FGF12: variants seen among roughly 807,000 people sequenced by gnomAD.
FGF12 encodes the protein fibroblast growth factor 12.
A neutral mutation model predicts 23.6 loss-of-function variants in FGF12; 14 were observed. The ratio of observed to expected loss-of-function variants is 0.59; its 90% CI spans 0.39 to 0.93. The LOEUF (loss-of-function observed/expected upper bound fraction) is 0.93. Among genes scored for constraint, FGF12 ranks in the 40% least tolerant of loss-of-function variants. The probability of loss-of-function intolerance (pLI) is 0.00; values close to 1 mark genes in which losing one functional copy is unlikely to be tolerated. For synonymous variants in FGF12, 62 were observed against 77.3 expected (o/e 0.80, Z 1.04); for missense variants, 175 against 217.8 (o/e 0.80, Z 1.24).
intron 2 of FGF12, among the ~76,000 whole-genome samples, chr3:192,665,129 G>A (rs1035971341): frequency 3.3e-5 from 5 of 152,104 alleles, no homozygotes; most frequent in African/African-American, 1.2e-4. Context: ...TGAAATACAG[G>A]TAGTTACAAA....
intron 2 of FGF12, among the ~76,000 whole-genome samples, chr3:192,530,779 C>T (rs1725067059): frequency 6.6e-6 from 1 of 151,918 alleles, no homozygotes; most frequent in African/African-American, 2.4e-5. Context: ...CTGAACTGTA[C>T]ACATTAAAAG....
rs188679113 is a variant in FGF12 at position 192,199,809 on chromosome 3, G to A, written c.229-29153C>T. 1.1e-4 allele frequency among the ~76,000 whole-genome samples: 17 copies of A among 152,216 alleles called. No individual in the cohort carries two copies. In the East Asian group the frequency reaches 1.9e-3, roughly 17 times the overall value. ...GAAGATGAAAGTGATTGTATCATAC[G>A]CCACTCTTACGCCAGGAAAGCTCAA... is the stretch of plus-strand genomic sequence containing the variant. On this transcript the variant is annotated intron_variant, in intron 4 of 5. Coordinates refer to ENST00000445105, the MANE Select transcript of FGF12 (RefSeq NM_004113.6).
At chr3:192,401,392 G>A (rs1720753667) in intron 2 of FGF12, among the ~76,000 whole-genome samples, 1 of 152,192 alleles carries the variant, frequency 6.6e-6, no homozygotes, top group Admixed American at 6.5e-5. Context: ...AATTCCACTG[G>A]ACACTTGTGA....
At chr3:192,394,422 C>A (rs1034736605) in intron 2 of FGF12, among the ~76,000 whole-genome samples, 1 of 152,096 alleles carries the variant, frequency 6.6e-6, no homozygotes, top group African/African-American at 2.4e-5. Context: ...ACATGTCAAA[C>A]CTTCTAGAAC....
chr3:192,504,393 C>CT (rs1724232335), intron 2 of FGF12, among the ~76,000 whole-genome samples: 1 of 152,174 alleles, frequency 6.6e-6, no homozygotes. Flanking sequence ...AAGTTACACA[C>CT]TGTAAGAGTT....
chr3:192,474,299 C>G (rs1187754728), intron 2 of FGF12, among the ~76,000 whole-genome samples: 1 of 152,144 alleles, frequency 6.6e-6, no homozygotes. Flanking sequence ...AGAATTTCTT[C>G]CTCTACTTCC....
intron 2 of FGF12, among the ~76,000 whole-genome samples, chr3:192,450,490 T>C (rs550826321): frequency 6.6e-6 from 1 of 152,306 alleles, no homozygotes; most frequent in African/African-American, 2.4e-5. Context: ...CAACACAGGA[T>C]ACTGAGTAGA....
At chr3:192,578,980 G>C (rs867932622) in intron 2 of FGF12, among the ~76,000 whole-genome samples, 1 of 152,044 alleles carries the variant, frequency 6.6e-6, no homozygotes, top group African/African-American at 2.4e-5. Flanking sequence ...ACGCTGCCTT[G>C]GTTTGTAAAA....
At chr3:192,248,704 G>A (rs536345250) in intron 4 of FGF12, among the ~76,000 whole-genome samples, 2 of 152,234 alleles carry the variant, frequency 1.3e-5, no homozygotes, top group South Asian at 2.1e-4. Flanking sequence ...CTTCTGCCCC[G>A]GGGGGATCCA....
intron 2 of FGF12, among the ~76,000 whole-genome samples, chr3:192,601,379 T>C (rs1714108901): frequency 6.6e-6 from 1 of 152,098 alleles, no homozygotes; most frequent in Admixed American, 6.6e-5. Flanking sequence ...TCCATACCAC[T>C]GTAGTGTGAT....
rs148547893 is a variant in FGF12 at position 192,593,105 on chromosome 3, G to T, written c.13+134076C>A. ...TAACATAGCATCATTCTTCTGTTCCGCAAAATCCTTCATTGGTTTCCCCTT... is the reference window on the plus strand; with the variant it reads ...TAACATAGCATCATTCTTCTGTTCCTCAAAATCCTTCATTGGTTTCCCCTT... On this transcript the variant is annotated intron_variant, in intron 2 of 5. Transcript: ENST00000445105. 6.9e-3 allele frequency among the ~76,000 whole-genome samples: 1,045 copies of T among 151,810 alleles called. 18 individuals carry two copies. The highest frequency in any genetic ancestry group is 0.023 in the African/African-American group (942 of 41,468).
intron 2 of FGF12, among the ~76,000 whole-genome samples, chr3:192,662,344 T>C (rs1716701458): frequency 6.6e-6 from 1 of 152,236 alleles, no homozygotes; most frequent in Non-Finnish European, 1.5e-5. Flanking sequence ...TTCATTTTCA[T>C]TACAGATTCA....
At chr3:192,510,346 A>G (rs530498231) in intron 2 of FGF12, among the ~76,000 whole-genome samples, 2 of 152,352 alleles carry the variant, frequency 1.3e-5, no homozygotes, top group Admixed American at 6.5e-5. Flanking sequence ...CAAAGAAAAT[A>G]CACAGGTGGC....
rs994304736 is a variant in FGF12, at chr3:192,372,027, C to CA, written c.14-11490dup. Among the ~76,000 whole-genome samples the CA allele has an allele frequency of 2.3e-4, 35 of 151,676 alleles. 1 individual carries two copies. Among genetic ancestry groups the CA allele is most frequent in the South Asian group, 1.0e-3 (5 of 4,816 alleles). Reference sequence around the variant, plus strand: ...AGACATAGCTTTTGGCCTCCTGTCACAAAAAAAAGTGGCGGGGCTGTAGAC... The same window carrying CA: ...AGACATAGCTTTTGGCCTCCTGTCACAAAAAAAAAGTGGCGGGGCTGTAGAC... On this transcript the variant is annotated intron_variant, in intron 2 of 5. Transcript: ENST00000445105.
chr3:192,221,309 A>G (rs1008927738), intron 4 of FGF12, among the ~76,000 whole-genome samples: 9 of 152,188 alleles, frequency 5.9e-5, no homozygotes, highest in Admixed American at 2.6e-4. Context: ...AATTCTGCAC[A>G]TTCTCTTAGG....
chr3:192,184,620 G>A (rs1186204799), intron 4 of FGF12, among the ~76,000 whole-genome samples: 3 of 152,160 alleles, frequency 2.0e-5, no homozygotes, highest in African/African-American at 7.2e-5. Context: ...AAAATCAATA[G>A]CCGTACTGCT....
intron 2 of FGF12, among the ~76,000 whole-genome samples, chr3:192,592,374 T>G (rs1713662069): frequency 6.6e-6 from 1 of 151,882 alleles, no homozygotes; most frequent in Admixed American, 6.6e-5. Flanking sequence ...ATTTGTCTAC[T>G]GCCACCAGCA....
intron 2 of FGF12, among the ~76,000 whole-genome samples, chr3:192,495,215 G>A (rs1315310085): frequency 6.6e-6 from 1 of 152,096 alleles, no homozygotes; most frequent in African/African-American, 2.4e-5. Flanking sequence ...CCTAATCTCT[G>A]AAGAAACCTA....
rs79721605 is a variant in FGF12, at chr3:192,485,942, G to A, written c.14-125404C>T. 3.2e-3 allele frequency among the ~76,000 whole-genome samples: 487 copies of A among 151,956 alleles called. 3 individuals carry two copies. Among genetic ancestry groups the A allele is most frequent in the African/African-American group, 0.012 (480 of 41,450 alleles). On this transcript the variant is annotated intron_variant, in intron 2 of 5. Transcript: ENST00000445105. ...ATTATCTAGTTTCATCATTTTGTACGCACTATAAACAAGAGAATTTTATGC... is the reference window on the plus strand; with the variant it reads ...ATTATCTAGTTTCATCATTTTGTACACACTATAAACAAGAGAATTTTATGC...
Sources: allele counts gnomAD v4.1 joint callset (sites outside exome capture counted in the v4.1 genomes callset), GRCh38; gene constraint gnomAD v4.1.1; transcripts MANE v1.5; gene names NCBI Gene and HGNC (gene_info 2026-07-23, HGNC 2026-07-21).